The following IQCK variants were observed in gnomAD, a reference collection of about 807,000 sequenced individuals.
IQCK encodes the protein IQ domain-containing protein K.
In IQCK, 29 loss-of-function variants were observed where a neutral mutation model predicts 28.1. That is an observed-to-expected ratio of 1.03 (90% CI 0.77 to 1.41). The LOEUF is 1.41. Among genes scored for constraint, IQCK ranks in the 40% most tolerant of loss-of-function variants. The pLI is 0.00. For missense variants in IQCK, 359 were observed against 314.7 expected, an observed-to-expected ratio of 1.14 and a Z score of -1.07; for synonymous variants, 113 against 115.1, an observed-to-expected ratio of 0.98 and a Z score of 0.12.
At chr16:19,822,673 G>T (rs1278550519) in intron 7 of IQCK, among the ~76,000 whole-genome samples, 4 of 152,136 alleles carry the variant, frequency 2.6e-5, no homozygotes, top group Admixed American at 6.6e-5. Flanking sequence ...TCTGTGGTTG[G>T]CTGGGGTAGA....
intron 6 of IQCK, among the ~76,000 whole-genome samples, chr16:19,775,226 CAAAAAAAAA>C (rs1269665221): frequency 1.2e-5 from 1 of 82,438 alleles, no homozygotes; most frequent in Non-Finnish European, 2.9e-5. Flanking sequence ...GACTCTGTAT[CAAAAAAAAA>C]AAAAAAAAAA....
rs571907841 is a variant in IQCK at position 19,728,594 on chromosome 16, A to G, written c.182-1836A>G. Among the ~76,000 whole-genome samples the G allele has an allele frequency of 1.2e-3, 184 of 152,236 alleles. 2 individuals are homozygous for G. The highest frequency in any genetic ancestry group is 1.7e-3 in the Non-Finnish European group (113 of 68,020). ...AAAACCGAAATTCTGTCAACAACCA[A>G]TGAGCTTGGAAAAGTATCCCAACCC... On this transcript the variant is annotated intron_variant, in intron 1 of 7. Coordinates refer to ENST00000564186, the Ensembl canonical transcript of IQCK.
chr16:19,778,747 A>G (rs765276641), intron 6 of IQCK, among the ~76,000 whole-genome samples: 4 of 152,170 alleles, frequency 2.6e-5, no homozygotes, highest in Non-Finnish European at 5.9e-5. Flanking sequence ...CTTGGTGTGA[A>G]AAACCCACAC....
At chr16:19,761,352 C>T (rs1374901559) in intron 4 of IQCK, 1 of 454,428 alleles carries the variant, frequency 2.2e-6, no homozygotes, top group Non-Finnish European at 4.4e-6. Context: ...TGGTACCACC[C>T]ATAGGATGGA....
At chr16:19,830,276 A>AAG (rs2056213738), downstream of IQCK, among the ~76,000 whole-genome samples, 1 of 152,168 alleles carries the variant, frequency 6.6e-6, no homozygotes, top group Admixed American at 6.5e-5. Context: ...AAAGTGCAGC[A>AAG]TGCCTATTTC....
intron 7 of IQCK, among the ~76,000 whole-genome samples, chr16:19,812,450 G>A (rs2055920664): frequency 6.6e-6 from 1 of 152,100 alleles, no homozygotes; most frequent in South Asian, 2.1e-4. Context: ...ATAAAGTTTT[G>A]TTAAAATACA....
chr16:19,804,237 G>A (rs1046126198), intron 7 of IQCK, among the ~76,000 whole-genome samples: 1 of 151,792 alleles, frequency 6.6e-6, no homozygotes, highest in Admixed American at 6.6e-5. Flanking sequence ...GCCTGTACTT[G>A]GGAGGCTGAG....
chr16:19,808,837 C>G (rs991036652), intron 7 of IQCK, among the ~76,000 whole-genome samples: 7 of 152,204 alleles, frequency 4.6e-5, no homozygotes. Context: ...GGGGTTAGCA[C>G]CAGCCAAATC....
intron 9 of IQCK, among the ~76,000 whole-genome samples, chr16:19,839,383 ACT>A (rs2056338436): frequency 6.6e-6 from 1 of 151,594 alleles, no homozygotes; most frequent in Non-Finnish European, 1.5e-5. Context: ...CTGGTCTCGA[ACT>A]CCTGACCACA....
At chr16:19,856,606 T>C in exon 10 of IQCK, 4 of 1,358,596 alleles carry the variant, frequency 2.9e-6, no homozygotes, top group Non-Finnish European at 4.2e-6. Flanking sequence ...GCAAGGAAAA[T>C]GTCCAAATGA....
chr16:19,770,753 G>A (rs143733096), intron 6 of IQCK, among the ~76,000 whole-genome samples: 1 of 152,162 alleles, frequency 6.6e-6, no homozygotes, highest in Non-Finnish European at 1.5e-5. Flanking sequence ...CTCCCAAGTA[G>A]CTGGGATTAC....
chr16:19,729,449 G>T (rs559723900), intron 1 of IQCK, among the ~76,000 whole-genome samples: 1 of 151,380 alleles, frequency 6.6e-6, no homozygotes, highest in Non-Finnish European at 1.5e-5. Flanking sequence ...ATGTGCTCTC[G>T]GTGTCTTCCC....
chr16:19,813,833 GTGT>G (rs1316548159), intron 7 of IQCK, among the ~76,000 whole-genome samples: 1 of 151,962 alleles, frequency 6.6e-6, no homozygotes, highest in Non-Finnish European at 1.5e-5. Context: ...TAAAGTCCTT[GTGT>G]TGTTTGGGAG....
intron 4 of IQCK, among the ~76,000 whole-genome samples, chr16:19,741,917 G>A (rs537323318): frequency 1.3e-5 from 2 of 152,254 alleles, no homozygotes; most frequent in East Asian, 3.9e-4. Flanking sequence ...AACCTGGGAG[G>A]CAGAGCTTGC....
intron 4 of IQCK, among the ~76,000 whole-genome samples, chr16:19,748,072 C>CTT (rs61573221): frequency 0.18 from 20,845 of 117,058 alleles, 2,266 homozygotes; most frequent in South Asian, 0.24. Flanking sequence ...GGCTCAAATT[C>CTT]TTTTTTTTTT....
At chr16:19,773,522 A>C (rs2055345253) in intron 6 of IQCK, among the ~76,000 whole-genome samples, 1 of 152,218 alleles carries the variant, frequency 6.6e-6, no homozygotes, top group South Asian at 2.1e-4. Flanking sequence ...TTCTATGTCA[A>C]GGGTCAGCAA....
downstream of IQCK, among the ~76,000 whole-genome samples, chr16:19,829,627 A>G (rs1187521932): frequency 6.6e-6 from 1 of 152,092 alleles, no homozygotes; most frequent in African/African-American, 2.4e-5. Flanking sequence ...ATCAGCCACC[A>G]TGCCTATTGC....
intron 4 of IQCK, among the ~76,000 whole-genome samples, chr16:19,737,690 T>A (rs190682750): frequency 1.3e-5 from 2 of 152,090 alleles, no homozygotes; most frequent in African/African-American, 4.8e-5. Flanking sequence ...TCTGCCTAGT[T>A]CATGTGTTCA....
chr16:19,833,684 T>C (rs960297341), intron 9 of IQCK, among the ~76,000 whole-genome samples: 3 of 152,180 alleles, frequency 2.0e-5, no homozygotes, highest in Non-Finnish European at 4.4e-5. Flanking sequence ...GAGAAAGTTC[T>C]TTTCCCTAAT....
Sources: gnomAD v4.1 joint callset for allele counts (sites outside exome capture counted in the v4.1 genomes callset) on GRCh38, gnomAD v4.1.1 for gene constraint, MANE v1.5 for transcripts, NCBI Gene and HGNC (gene_info 2026-07-23, HGNC 2026-07-21) for gene names.